Variants in ATP6V0E1 observed in about 807,000 individuals in gnomAD.
ATP6V0E1 encodes ATPase H+ transporting V0 subunit e1, also known as V-type proton ATPase subunit e 1.
A neutral mutation model predicts 11.6 loss-of-function variants in ATP6V0E1; 4 were observed. The ratio of observed to expected loss-of-function variants is 0.35; its 90% CI spans 0.17 to 0.79. The LOEUF (loss-of-function observed/expected upper bound fraction) is 0.79. Among genes scored for constraint, ATP6V0E1 ranks in the 30% least tolerant of loss-of-function variants. The pLI, the probability that ATP6V0E1 is intolerant of heterozygous loss-of-function variation, is 0.54. For synonymous variants in ATP6V0E1, 36 were observed against 34.8 expected (o/e 1.04, Z -0.13); for missense variants, 105 against 100.0 (o/e 1.05, Z -0.21).
intron 2 of ATP6V0E1, among the ~76,000 whole-genome samples, chr5:173,003,329 T>G (rs1464443957): frequency 6.6e-6 from 1 of 152,216 alleles, no homozygotes; most frequent in Non-Finnish European, 1.5e-5. Flanking sequence ...TACTATCTGC[T>G]TCTCCTCATT....
intron 2 of ATP6V0E1, among the ~76,000 whole-genome samples, chr5:173,005,478 T>G (rs185353803): frequency 2.6e-4 from 40 of 152,338 alleles, no homozygotes; most frequent in African/African-American, 9.1e-4. Context: ...CCTCCCAAAG[T>G]GCTAGCATTA....
intron 3 of ATP6V0E1, among the ~76,000 whole-genome samples, chr5:173,022,659 AAG>A (rs752285135): frequency 6.6e-6 from 1 of 151,650 alleles, no homozygotes; most frequent in Non-Finnish European, 1.5e-5. Context: ...TTGTTTTTGA[AAG>A]AGAGTCTCTG....
chr5:173,000,267 C>T (rs560705358), intron 2 of ATP6V0E1, among the ~76,000 whole-genome samples: 1 of 152,254 alleles, frequency 6.6e-6, no homozygotes, highest in South Asian at 2.1e-4. Flanking sequence ...GTTAATAGTT[C>T]AGCAGAGGAA....
intron 1 of ATP6V0E1, among the ~76,000 whole-genome samples, chr5:172,989,371 T>C (rs1158838211): frequency 1.3e-5 from 2 of 152,156 alleles, no homozygotes; most frequent in Non-Finnish European, 2.9e-5. Flanking sequence ...CCCTTTCTTT[T>C]CCCTGCCTCA....
chr5:172,985,244 CAAAAAAA>C (rs59381222), intron 1 of ATP6V0E1, among the ~76,000 whole-genome samples: 1 of 89,446 alleles, frequency 1.1e-5, no homozygotes, highest in Non-Finnish European at 2.6e-5. Flanking sequence ...GACTCCGTCT[CAAAAAAA>C]AAAAAAAAAA....
At chr5:172,985,168 C>G (rs958213691) in intron 1 of ATP6V0E1, among the ~76,000 whole-genome samples, 1 of 151,386 alleles carries the variant, frequency 6.6e-6, no homozygotes, top group African/African-American at 2.4e-5. Flanking sequence ...TGGCGTGAAC[C>G]CAGGAGGCAG....
intron 2 of ATP6V0E1, among the ~76,000 whole-genome samples, chr5:173,017,867 AAAAG>A: frequency 6.6e-6 from 1 of 151,390 alleles, no homozygotes; most frequent in East Asian, 1.9e-4. Context: ...AAAAGAAAAG[AAAAG>A]AAAGGGATTC....
At chr5:173,013,239 A>G (rs1250032423) in intron 2 of ATP6V0E1, among the ~76,000 whole-genome samples, 1 of 148,188 alleles carries the variant, frequency 6.7e-6, no homozygotes, top group Non-Finnish European at 1.5e-5. Flanking sequence ...ATGGGACTAT[A>G]TTAAACTAAA....
chr5:173,012,867 A>G (rs1481062291), intron 2 of ATP6V0E1, among the ~76,000 whole-genome samples: 1 of 152,128 alleles, frequency 6.6e-6, no homozygotes, highest in African/African-American at 2.4e-5. Context: ...TTTTATGACT[A>G]AGACCTCAAA....
At chr5:173,016,684 G>T (rs1281884642) in intron 2 of ATP6V0E1, among the ~76,000 whole-genome samples, 1 of 152,174 alleles carries the variant, frequency 6.6e-6, no homozygotes, top group Non-Finnish European at 1.5e-5. Context: ...CGGGATTGGG[G>T]AAGTCCTTGG....
rs1554118450 is a variant in ATP6V0E1 at position 172,993,689 on chromosome 5, C to CCCCA, written c.105-1085_105-1084insCCAC. ...GGTCAACATATTGAGACCCCCCCCCCCGACCCCACCTCTCCAAAAAAAATT... is the reference window on the plus strand; with the variant it reads ...GGTCAACATATTGAGACCCCCCCCCCCCCACGACCCCACCTCTCCAAAAAAAATT... On this transcript the variant is annotated intron_variant, in intron 1 of 3. Coordinates refer to ENST00000519374, the MANE Select transcript of ATP6V0E1 (RefSeq NM_003945.4). Among the ~76,000 whole-genome samples the CCCCA allele has an allele frequency of 1.3e-4, 17 of 129,292 alleles. 2 individuals carry two copies. The highest frequency in any genetic ancestry group is 3.9e-4 in the African/African-American group (13 of 33,128). 84.8% of individuals were successfully genotyped at this position (129,292 alleles called of 152,430 possible).
intron 2 of ATP6V0E1, among the ~76,000 whole-genome samples, chr5:173,017,858 A>AC (rs997933627): frequency 6.7e-6 from 1 of 148,640 alleles, no homozygotes. Flanking sequence ...AAAAAAAAAA[A>AC]AAGAAAAGAA....
intron 1 of ATP6V0E1, among the ~76,000 whole-genome samples, chr5:172,990,786 C>T (rs1755966838): frequency 1.3e-5 from 2 of 151,062 alleles, no homozygotes; most frequent in Admixed American, 6.6e-5. Context: ...GAGATTGCGC[C>T]ACTGCACTCC....
At chr5:172,985,158 T>C (rs1755875136) in intron 1 of ATP6V0E1, among the ~76,000 whole-genome samples, 1 of 146,356 alleles carries the variant, frequency 6.8e-6, no homozygotes. Context: ...GGCAGGAGAA[T>C]GGCGTGAACC....
rs915285642 is a variant in ATP6V0E1 at position 172,999,841 on chromosome 5, T to G, written c.152+5019T>G. On this transcript the variant is annotated intron_variant, in intron 2 of 3. Coordinates refer to ENST00000519374, the MANE Select transcript of ATP6V0E1 (RefSeq NM_003945.4). ...CCATTTTATGGGGAAATCAGCTGGA[T>G]AGTATTGACTTTATGAAATCATTTT... Among the ~76,000 whole-genome samples the G allele has an allele frequency of 2.0e-5, 3 of 152,228 alleles. 1 individual carries two copies. The highest frequency in any genetic ancestry group is 7.2e-5 in the African/African-American group (3 of 41,460).
At chr5:172,992,456 G>C (rs2113581313) in intron 1 of ATP6V0E1, among the ~76,000 whole-genome samples, 1 of 152,154 alleles carries the variant, frequency 6.6e-6, no homozygotes, top group Middle Eastern at 3.4e-3. Flanking sequence ...TCCTTGCTCT[G>C]TGTCAGCCAC....
intron 1 of ATP6V0E1, chr5:172,987,138 A>G: frequency 4.7e-6 from 1 of 214,262 alleles, no homozygotes; most frequent in South Asian, 5.9e-5. Flanking sequence ...GGAGGAGCTG[A>G]AAGTGAAGGC....
chr5:173,012,610 T>C (rs752414058), intron 2 of ATP6V0E1, among the ~76,000 whole-genome samples: 3 of 151,752 alleles, frequency 2.0e-5, no homozygotes, highest in Non-Finnish European at 4.4e-5. Flanking sequence ...AAAAATTAGC[T>C]GGGCATGGTG....
chr5:172,999,706 T>C (rs888121973), intron 2 of ATP6V0E1, among the ~76,000 whole-genome samples: 3 of 152,216 alleles, frequency 2.0e-5, no homozygotes, highest in Non-Finnish European at 4.4e-5. Context: ...GTCCATTTTT[T>C]CCTTTGTTCC....
Sources: allele counts gnomAD v4.1 joint callset (sites outside exome capture counted in the v4.1 genomes callset), GRCh38; gene constraint gnomAD v4.1.1; transcripts MANE v1.5; gene names NCBI Gene and HGNC (gene_info 2026-07-23, HGNC 2026-07-21).